PIP4P2: variants seen among roughly 807,000 people sequenced by gnomAD.
PIP4P2 encodes type 2 phosphatidylinositol 4,5-bisphosphate 4-phosphatase.
PIP4P2 carries 19 observed loss-of-function variants against 33.3 expected under a neutral mutation model. The ratio of observed to expected loss-of-function variants is 0.57; its 90% CI spans 0.40 to 0.84. The LOEUF is 0.84. Among genes scored for constraint, PIP4P2 ranks in the 40% least tolerant of loss-of-function variants. The pLI, the probability that PIP4P2 is intolerant of heterozygous loss-of-function variation, is 0.00. For synonymous variants in PIP4P2, 110 were observed against 111.9 expected (o/e 0.98, Z 0.11); for missense variants, 270 against 324.7 (o/e 0.83, Z 1.29).
intron 4 of PIP4P2, among the ~76,000 whole-genome samples, chr8:91,015,861 C>G (rs901006142): frequency 6.6e-6 from 1 of 152,146 alleles, no homozygotes; most frequent in Non-Finnish European, 1.5e-5. Flanking sequence ...GAGGAAGTAA[C>G]TTGTGGAATG....
intron 5 of PIP4P2, among the ~76,000 whole-genome samples, chr8:91,002,359 C>G (rs1811710158): frequency 6.6e-6 from 1 of 152,120 alleles, no homozygotes; most frequent in Admixed American, 6.6e-5. Context: ...CTGAAAAGAC[C>G]ATTCAATGCT....
At chr8:91,008,292 T>A (rs1305338306) in intron 5 of PIP4P2, among the ~76,000 whole-genome samples, 1 of 152,092 alleles carries the variant, frequency 6.6e-6, no homozygotes, top group Non-Finnish European at 1.5e-5. Flanking sequence ...GCTAAATAAT[T>A]AAGATAAACA....
chr8:90,996,535 G>A lies in PIP4P2; in HGVS notation c.630+119C>T. The A allele has an allele frequency of 7.2e-6, 5 of 697,500 alleles. 1 individual carries two copies. In the South Asian group the frequency reaches 9.8e-5, roughly 14 times the overall value. 43.2% of individuals were successfully genotyped at this position (697,500 alleles called of 1,614,324 possible). A position where few individuals can be genotyped will look rare whatever the true frequency, so the allele number is the denominator to read the frequency against. On this transcript the variant is annotated intron_variant, in intron 6 of 6. Transcript: ENST00000285419. ...GCTCATAATCATTCAGAAGCTTCTA[G>A]TGCTGGCATGCCAAGGAGGCAGCCT...
intron 6 of PIP4P2, among the ~76,000 whole-genome samples, chr8:90,996,209 G>A (rs1203097752): frequency 6.6e-6 from 1 of 152,088 alleles, no homozygotes; most frequent in African/African-American, 2.4e-5. Context: ...CATGCTAACT[G>A]CTTAGCTCCA....
In PIP4P2 at chr8:91,009,239, A is replaced by G. The variant is rs546835700; in HGVS notation, c.487-444T>C. On this transcript the variant is annotated intron_variant, in intron 4 of 6. Coordinates refer to ENST00000285419, the MANE Select transcript of PIP4P2 (RefSeq NM_018710.3). ...TTCTACTTATGTGAGAAAGTCACCA[A>G]GTACATAAACTAAAAAGTCGGGAAC... 6.6e-4 allele frequency among the ~76,000 whole-genome samples: 101 copies of G among 152,226 alleles called. 3 individuals carry two copies. In the South Asian group the frequency reaches 0.021, roughly 31 times the overall value.
intron 5 of PIP4P2, among the ~76,000 whole-genome samples, chr8:91,008,165 T>C (rs1355620276): frequency 6.6e-6 from 1 of 152,174 alleles, no homozygotes; most frequent in Non-Finnish European, 1.5e-5. Context: ...GGTGTAGTCT[T>C]GGGACCCCCA....
chr8:91,025,483 C>A (rs1812070742), intron 1 of PIP4P2, among the ~76,000 whole-genome samples: 1 of 152,132 alleles, frequency 6.6e-6, no homozygotes, highest in Non-Finnish European at 1.5e-5. Flanking sequence ...GATATATCCT[C>A]CAGTATTTTA....
intron 1 of PIP4P2, among the ~76,000 whole-genome samples, chr8:91,029,714 T>C (rs1374604797): frequency 6.6e-6 from 1 of 152,156 alleles, no homozygotes; most frequent in Non-Finnish European, 1.5e-5. Flanking sequence ...TTAAGATATG[T>C]AGTGCAAATG....
chr8:91,020,380 T>A (rs1339461998), intron 2 of PIP4P2, 117 bp from the exon 3 acceptor site: 9 of 877,256 alleles, frequency 1.0e-5, no homozygotes, highest in Non-Finnish European at 1.6e-5. Flanking sequence ...ATTGCTTTTG[T>A]AACTTAAGGT....
chr8:91,010,346 C>G (rs1359304173), intron 4 of PIP4P2, among the ~76,000 whole-genome samples: 3 of 151,802 alleles, frequency 2.0e-5, no homozygotes, highest in Non-Finnish European at 4.4e-5. Context: ...ATTATGAAAC[C>G]TTTGAGTCAA....
chr8:91,026,698 T>C (rs985502034), intron 1 of PIP4P2, among the ~76,000 whole-genome samples: 10 of 152,178 alleles, frequency 6.6e-5, no homozygotes, highest in African/African-American at 2.4e-4. Flanking sequence ...TCCTGACTGA[T>C]ATAGAAATTC....
At chr8:90,997,915 A>C (rs1304150691) in intron 5 of PIP4P2, among the ~76,000 whole-genome samples, 1 of 152,106 alleles carries the variant, frequency 6.6e-6, no homozygotes, top group Non-Finnish European at 1.5e-5. Flanking sequence ...AAACTGATGA[A>C]GTTTTTTGCA....
rs1449125662 is a variant in PIP4P2 at position 91,020,234 on chromosome 8, T to G, written c.285A>C (p.Lys95Asn). 10 of 1,613,802 alleles carry G rather than the reference T, an allele frequency of 6.2e-6. No individual in the cohort carries two copies. Among genetic ancestry groups the G allele is most frequent in the Non-Finnish European group, 8.5e-6 (10 of 1,179,822 alleles). ...GACAATTACAAGGGCATCTAACATA[T>G]TTCTTGCCTGTTGGGGGGTTTTTGA... is the stretch of plus-strand genomic sequence containing the variant. The part of the protein sequence containing the change: ...TPIKNPPTGK[K>N]YVRCPCNCLL... The change falls in exon 3 of 7, where the codon AAA becomes AAC. Residue 95 changes from lysine to asparagine, a missense_variant. Transcript: ENST00000285419.
At chr8:91,034,592 T>C (rs777401533) in intron 1 of PIP4P2, among the ~76,000 whole-genome samples, 1 of 152,216 alleles carries the variant, frequency 6.6e-6, no homozygotes, top group Non-Finnish European at 1.5e-5. Context: ...GCTTGCTCAG[T>C]ATCACAGCAG....
intron 1 of PIP4P2, among the ~76,000 whole-genome samples, chr8:91,028,894 A>T (rs367857838): frequency 1.3e-5 from 2 of 152,238 alleles, no homozygotes; most frequent in Non-Finnish European, 2.9e-5. Context: ...TTTAGAATCA[A>T]TATTTATTTT....
chr8:90,999,023 A>C (rs1245441743), intron 5 of PIP4P2, among the ~76,000 whole-genome samples: 1 of 152,152 alleles, frequency 6.6e-6, no homozygotes, highest in East Asian at 1.9e-4. Context: ...CAAACTATGC[A>C]TCTGACAAAG....
intron 5 of PIP4P2, among the ~76,000 whole-genome samples, chr8:90,998,331 C>A (rs1465529723): frequency 1.3e-5 from 2 of 151,988 alleles, no homozygotes; most frequent in African/African-American, 4.8e-5. Flanking sequence ...TGCATGAATT[C>A]TGCTTAGAAA....
chr8:91,039,335 A>G (rs1812274925), intron 1 of PIP4P2, among the ~76,000 whole-genome samples: 1 of 152,238 alleles, frequency 6.6e-6, no homozygotes, highest in African/African-American at 2.4e-5. Context: ...TCTGTGGGCA[A>G]GTCTCTCTCT....
intron 4 of PIP4P2, 41 bp from the exon 5 acceptor site, chr8:91,008,836 T>C (rs1466213656): frequency 6.6e-7 from 1 of 1,520,308 alleles, no homozygotes; most frequent in Non-Finnish European, 9.1e-7. Context: ...AGAAAACAAC[T>C]GAAAACTATC....
Sources: gnomAD v4.1 joint callset for allele counts (sites outside exome capture counted in the v4.1 genomes callset) on GRCh38, gnomAD v4.1.1 for gene constraint, MANE v1.5 for transcripts, NCBI Gene and HGNC (gene_info 2026-07-23, HGNC 2026-07-21) for gene names.